Variants in DLGAP1 observed in about 807,000 individuals in gnomAD.
The protein encoded by DLGAP1 is disks large-associated protein 1.
Under a neutral mutation model 90.8 loss-of-function variants are expected in DLGAP1, and 11 were observed. The observed-to-expected ratio is 0.12, with a 90% confidence interval of 0.08 to 0.20. The LOEUF (loss-of-function observed/expected upper bound fraction) is 0.20. Ranked by LOEUF, DLGAP1 falls within the 10% of genes least tolerant of loss-of-function variation. DLGAP1 has a pLI of 1.00. For missense variants in DLGAP1, 1,050 were observed against 1,333.8 expected (o/e 0.79, Z 3.31); for synonymous variants, 558 against 540.7 (o/e 1.03, Z -0.44).
chr18:4,063,548 G>A (rs1054442927), intron 2 of DLGAP1, among the ~76,000 whole-genome samples: 7 of 152,100 alleles, frequency 4.6e-5, no homozygotes, highest in African/African-American at 1.4e-4. Context: ...GGGCAAATTT[G>A]CATTTTTAGA....
rs2082223211 is a variant in DLGAP1 at position 4,386,019 on chromosome 18, G to C, written c.-267+68987C>G. 2.0e-5 allele frequency among the ~76,000 whole-genome samples: 3 copies of C among 152,126 alleles called. No individual in the cohort carries two copies. The South Asian group carries it at 6.2e-4, about 31-fold the overall frequency. Reference sequence around the variant, plus strand: ...TTTAAGAAGCTGCCTCAAGGATTTAGAAAATGGCCTGGTGTGGGCTAAATG... The same window carrying C: ...TTTAAGAAGCTGCCTCAAGGATTTACAAAATGGCCTGGTGTGGGCTAAATG... On this transcript the variant is annotated intron_variant, in intron 1 of 12. Transcript: ENST00000315677.
intron 8 of DLGAP1, among the ~76,000 whole-genome samples, chr18:3,577,601 G>A (rs1191001529): frequency 6.6e-6 from 1 of 152,222 alleles, no homozygotes; most frequent in Non-Finnish European, 1.5e-5. Flanking sequence ...ATGAAAAAGA[G>A]GAGACAGAAA....
At chr18:3,976,126 C>G (rs1252484237) in intron 3 of DLGAP1, among the ~76,000 whole-genome samples, 1 of 151,802 alleles carries the variant, frequency 6.6e-6, no homozygotes, top group Non-Finnish European at 1.5e-5. Context: ...GTGGTTGGAT[C>G]ACCTAAGGTC....
intron 1 of DLGAP1, among the ~76,000 whole-genome samples, chr18:4,189,900 GA>G (rs2077364990): frequency 6.6e-6 from 1 of 152,046 alleles, no homozygotes; most frequent in South Asian, 2.1e-4. Flanking sequence ...AATGAATCTA[GA>G]CACAGACCTT....
At chr18:3,568,877 G>A (rs536188532) in intron 8 of DLGAP1, among the ~76,000 whole-genome samples, 159 of 151,788 alleles carry the variant, frequency 1.0e-3, no homozygotes, top group Non-Finnish European at 1.3e-3. Context: ...TAGTAGAGAC[G>A]GGGTTTCACT....
chr18:3,619,827 A>G (rs1289998532), intron 7 of DLGAP1, among the ~76,000 whole-genome samples: 1 of 125,510 alleles, frequency 8.0e-6, no homozygotes, highest in Middle Eastern at 5.6e-3. Flanking sequence ...GTTTTTTGAG[A>G]TGAGGTCTTG....
intron 5 of DLGAP1, among the ~76,000 whole-genome samples, chr18:3,799,008 G>A (rs1235449528): frequency 6.6e-6 from 1 of 151,894 alleles, no homozygotes; most frequent in Non-Finnish European, 1.5e-5. Flanking sequence ...CCAGTAGTTG[G>A]GATTACAGGC....
At chr18:4,331,255 C>T (rs564984149) in intron 1 of DLGAP1, among the ~76,000 whole-genome samples, 28 of 151,770 alleles carry the variant, frequency 1.8e-4, no homozygotes, top group Admixed American at 5.9e-4. Flanking sequence ...TTTCTCCACC[C>T]CTCCACCAGT....
intron 3 of DLGAP1, among the ~76,000 whole-genome samples, chr18:3,964,699 A>T (rs41399245): frequency 0.31 from 47,326 of 152,078 alleles, 7,634 homozygotes; most frequent in Non-Finnish European, 0.34. Context: ...TAACATAGCA[A>T]TGATACATGG....
chr18:4,129,620 T>C (rs2076284455), intron 2 of DLGAP1, among the ~76,000 whole-genome samples: 1 of 152,134 alleles, frequency 6.6e-6, no homozygotes, highest in Non-Finnish European at 1.5e-5. Flanking sequence ...TACTGGAAGA[T>C]GAGGAAGGAT....
Position 3,937,291 on chromosome 18 carries a change from G to A in DLGAP1, c.-72-57151C>T, listed in dbSNP as rs574855358. 6.6e-5 allele frequency among the ~76,000 whole-genome samples: 10 copies of A among 152,148 alleles called. No individual in the cohort carries two copies. In the South Asian group the frequency reaches 1.7e-3, roughly 25 times the overall value. On this transcript the variant is annotated intron_variant, in intron 3 of 12. Coordinates refer to ENST00000315677, the MANE Select transcript of DLGAP1 (RefSeq NM_004746.4). ...TAAAGGAGAGATGTTTAATTGACTCGCAGTTCCACTGTGATTGTGGGGAGG... is the reference window on the plus strand; with the variant it reads ...TAAAGGAGAGATGTTTAATTGACTCACAGTTCCACTGTGATTGTGGGGAGG...
At chr18:3,744,700 C>T (rs984335058) in intron 5 of DLGAP1, among the ~76,000 whole-genome samples, 8 of 152,100 alleles carry the variant, frequency 5.3e-5, no homozygotes, top group African/African-American at 9.7e-5. Context: ...CGCACGCCAC[C>T]GCGGCCGGCT....
chr18:3,858,035 A>C (rs898406073), intron 4 of DLGAP1, among the ~76,000 whole-genome samples: 71 of 152,324 alleles, frequency 4.7e-4, no homozygotes, highest in African/African-American at 1.6e-3. Context: ...TAGTATCTGA[A>C]TAAATGAACA....
chr18:4,328,881 T>A (rs2080885646), intron 1 of DLGAP1, among the ~76,000 whole-genome samples: 1 of 152,014 alleles, frequency 6.6e-6, no homozygotes, highest in Non-Finnish European at 1.5e-5. Flanking sequence ...CAAGTATTTT[T>A]AATAAAAATC....
intron 3 of DLGAP1, among the ~76,000 whole-genome samples, chr18:3,993,856 C>T (rs1023792270): frequency 3.3e-5 from 5 of 151,896 alleles, no homozygotes; most frequent in Non-Finnish European, 5.9e-5. Context: ...CTTATCATAG[C>T]GAGATGTTGA....
chr18:4,053,313 C>G (rs2075163393), intron 2 of DLGAP1, among the ~76,000 whole-genome samples: 1 of 152,138 alleles, frequency 6.6e-6, no homozygotes. Flanking sequence ...ATAGCAGCAG[C>G]AAGGAGAAGT....
intron 4 of DLGAP1, among the ~76,000 whole-genome samples, chr18:3,837,630 C>T (rs1050941488): frequency 3.3e-5 from 5 of 151,984 alleles, no homozygotes; most frequent in Admixed American, 1.3e-4. Flanking sequence ...TGGTAGATTG[C>T]CTGAGCTCGG....
intron 7 of DLGAP1, among the ~76,000 whole-genome samples, chr18:3,684,885 T>G (rs1230590347): frequency 6.6e-6 from 1 of 152,244 alleles, no homozygotes; most frequent in Non-Finnish European, 1.5e-5. Context: ...AGTAACTTAT[T>G]TGATAAAGTC....
At chr18:3,501,949 G>GAA (rs36071304) in intron 12 of DLGAP1, among the ~76,000 whole-genome samples, 36 of 109,388 alleles carry the variant, frequency 3.3e-4, no homozygotes, top group African/African-American at 8.0e-4. Context: ...AAACTGTTTT[G>GAA]AAAAAAAAAA....
Sources: allele counts gnomAD v4.1 joint callset (sites outside exome capture counted in the v4.1 genomes callset), GRCh38; gene constraint gnomAD v4.1.1; transcripts MANE v1.5; gene names NCBI Gene and HGNC (gene_info 2026-07-23, HGNC 2026-07-21).